Variants in HSPA12B observed in about 807,000 individuals in gnomAD.
HSPA12B encodes the protein heat shock 70 kDa protein 12B.
A neutral mutation model predicts 69.3 loss-of-function variants in HSPA12B; 54 were observed. The observed-to-expected ratio is 0.78, with a 90% CI of 0.63 to 0.98. HSPA12B has a LOEUF of 0.98. Ranked by LOEUF, HSPA12B falls within the 50% of genes least tolerant of loss-of-function variation. HSPA12B has a pLI of 0.00. For synonymous variants in HSPA12B, 441 were observed against 436.5 expected (o/e 1.01, Z -0.13); for missense variants, 929 against 999.8 (o/e 0.93, Z 0.96).
In HSPA12B at chr20:3,752,005, C is replaced by T. The variant is rs1027933841; in HGVS notation, c.1900C>T (p.Leu634Phe). 7 of 1,567,534 alleles carry T rather than the reference C, an allele frequency of 4.5e-6. No homozygotes were observed. The highest frequency in any genetic ancestry group is 1.4e-5 in the African/African-American group (1 of 73,466). The change falls in exon 13 of 13, where the codon CTT becomes TTT. Residue 634 changes from leucine to phenylalanine, a missense_variant. By Grantham distance (22) the Leu-to-Phe change is conservative (BLOSUM62 0). This residue lies in a region of HSPA12B where 448 missense variants were observed against 448.1 expected (regional missense o/e 1.00). Transcript: ENST00000254963. ...CAAATGCGGCGCGCTCAGCCTCGAG[C>T]TTGAGCCCGCCGACTGCGGCCAGGA... ...VRKCGALSLE[L>F]EPADCGQDTA...
At chr20:3,742,510 G>A (rs543306900) in intron 4 of HSPA12B, 102 bp downstream of exon 4, 10 of 928,890 alleles carry the variant, frequency 1.1e-5, no homozygotes, top group East Asian at 2.5e-5. Flanking sequence ...CTCCTTGGAG[G>A]CCCTGCCACC....
rs1048049952 is a variant in HSPA12B at position 3,749,747 on chromosome 20, C to T, written c.938-3C>T. The T allele has an allele frequency of 3.2e-6, 5 of 1,583,882 alleles. No homozygotes were observed. In the Admixed American group the frequency reaches 7.1e-5, roughly 22 times the overall value. On this transcript the variant is annotated splice_region_variant and splice_polypyrimidine_tract_variant and intron_variant, in intron 9 of 12. Transcript: ENST00000254963. This position sits in a 1 kb window ranked among gnomAD's most constrained non-coding sequence, Gnocchi z 5.5. ...GAGTGTGTGCCCGCGCTCGCCGCCG[C>T]AGGAGACCGCTACGTGGTGGCCGAC...
Position 3,745,678 on chromosome 20 carries a change from C to T in HSPA12B, c.558+81C>T. ...ATCCGAAACCGCTCCCCCATCCCGT[C>T]CCCGACATTGGATGGGTAGCCACCG... On this transcript the variant is annotated intron_variant, in intron 6 of 12. Coordinates refer to ENST00000254963, the MANE Select transcript of HSPA12B (RefSeq NM_052970.5). This position sits in a 1 kb window ranked among gnomAD's most constrained non-coding sequence, Gnocchi z 5.6. 7.8e-7 allele frequency: 1 copy of T among 1,281,624 alleles called. No individual in the cohort carries two copies. The highest frequency in any genetic ancestry group is 1.1e-6 in the Non-Finnish European group (1 of 890,870). 79.4% of individuals were successfully genotyped at this position (1,281,624 alleles called of 1,614,324 possible).
Position 3,749,904 on chromosome 20 carries a change from C to T in HSPA12B, c.1042+50C>T. 2.6e-6 allele frequency: 4 copies of T among 1,545,286 alleles called. No individual in the cohort carries two copies. Among genetic ancestry groups the T allele is most frequent in the Non-Finnish European group, 3.5e-6 (4 of 1,143,782 alleles). ...TACCCAGCGCGACCCGGGCTCCGGC[C>T]CCGCCACTGCCCCCTGGCGGCCCGG... On this transcript the variant is annotated intron_variant, in intron 10 of 12. Coordinates refer to ENST00000254963, the MANE Select transcript of HSPA12B (RefSeq NM_052970.5). This position sits in a 1 kb window ranked among gnomAD's most constrained non-coding sequence, Gnocchi z 5.5.
chr20:3,748,508 T>C, intron 8 of HSPA12B, 117 bp downstream of exon 8: 1 of 991,294 alleles, frequency 1.0e-6, no homozygotes, highest in Non-Finnish European at 1.4e-6. Context: ...GGAGCCCAAT[T>C]TGAGCAGGCA....
In HSPA12B at chr20:3,751,817, C is replaced by T; in HGVS notation, c.1712C>T (p.Thr571Ile). The T allele has an allele frequency of 6.5e-7, 1 of 1,533,020 alleles. No homozygotes were observed. Among genetic ancestry groups the T allele is most frequent in the South Asian group, 1.2e-5 (1 of 83,374 alleles). 95.0% of individuals were successfully genotyped at this position (1,533,020 alleles called of 1,614,324 possible). Residue 571 changes from threonine to isoleucine, a missense_variant, in exon 13 of 13, where the codon ACC becomes ATC. Coordinates refer to ENST00000254963, the MANE Select transcript of HSPA12B (RefSeq NM_052970.5). Reference sequence around the variant, plus strand: ...GTTCGCGACGGCCGCCGCTGGTGCACCGACGTCTTCGAGCGCTTCGTGGCC... The same window carrying T: ...GTTCGCGACGGCCGCCGCTGGTGCATCGACGTCTTCGAGCGCTTCGTGGCC... Reference protein sequence around the residue: ...LLVRDGRRWCTDVFERFVAAE... With the variant: ...LLVRDGRRWCIDVFERFVAAE...
Position 3,752,129 on chromosome 20 carries a change from G to A in HSPA12B, c.2024G>A (p.Arg675His), listed in dbSNP as rs777758123. 1.3e-6 allele frequency: 2 copies of A among 1,481,962 alleles called. No homozygotes were observed. The highest frequency in any genetic ancestry group is 2.5e-5 in the East Asian group (1 of 40,464). The allele number at this position is 1,481,962 out of a possible 1,614,324, so 91.8% of individuals were successfully genotyped here. ...ACCGCCGTCGACGTCAGCACCAATC[G>A]CTCCGTGCGCGCGTCCATCGACTTT... The part of the protein sequence containing the change: ...KVTAVDVSTN[R>H]SVRASIDFLS... The change falls in exon 13 of 13, where the codon CGC becomes CAC. Residue 675 changes from arginine to histidine, a missense_variant. Arg to His is a conservative substitution (Grantham distance 29). Around this residue, in one of 3 missense-constraint regions of HSPA12B, gnomAD observed 448 missense variants for 448.1 expected, o/e 1.00. Coordinates refer to ENST00000254963, the MANE Select transcript of HSPA12B (RefSeq NM_052970.5).
At chr20:3,748,480 G>A in intron 8 of HSPA12B, 89 bp downstream of exon 8, 1 of 1,251,470 alleles carries the variant, frequency 8.0e-7, no homozygotes, top group South Asian at 1.9e-5. Context: ...ATGAAGGGGA[G>A]AGGGTACCCA....
rs765086384 is a variant in HSPA12B, at chr20:3,751,525, C to A, written c.1420C>A (p.Arg474=). 2 of 1,443,246 alleles carry A rather than the reference C, an allele frequency of 1.4e-6. No individual in the cohort carries two copies. Among genetic ancestry groups the A allele is most frequent in the Non-Finnish European group, 1.8e-6 (2 of 1,099,082 alleles). The allele number at this position is 1,443,246 out of a possible 1,614,324, so 89.4% of individuals were successfully genotyped here. Residue 474 remains arginine, a synonymous_variant, in exon 13 of 13, where the codon CGG becomes AGG. Coordinates refer to ENST00000254963, the MANE Select transcript of HSPA12B (RefSeq NM_052970.5). The stretch of plus-strand genomic sequence containing the variant: ...CTGTCCCGCAGAGGCCCTGCTGGCA[C>A]GGCCGGAGGTGCAGGGTGTGAAGCT... The part of the protein sequence containing the change: ...IIQHIEALLA[R]PEVQGVKLLF...
Position 3,751,728 on chromosome 20 carries a change from C to T in HSPA12B, c.1623C>T (p.Leu541=). 6.7e-7 allele frequency: 1 copy of T among 1,501,656 alleles called. No individual in the cohort carries two copies. Among genetic ancestry groups the T allele is most frequent in the East Asian group, 2.6e-5 (1 of 38,578 alleles). 93.0% of individuals were successfully genotyped at this position (1,501,656 alleles called of 1,614,324 possible). A position where few individuals can be genotyped will look rare whatever the true frequency, so the allele number is the denominator to read the frequency against. The change falls in exon 13 of 13, where the codon CTC becomes CTT. Residue 541 remains leucine (L), a synonymous_variant. Coordinates refer to ENST00000254963, the MANE Select transcript of HSPA12B (RefSeq NM_052970.5). ...PGVVRVRRSP[L]TYGVGVLNRF... Reference sequence around the variant, plus strand: ...TGGTGCGGGTCCGCCGCTCGCCGCTCACCTATGGCGTGGGCGTGCTCAACC... The same window carrying T: ...TGGTGCGGGTCCGCCGCTCGCCGCTTACCTATGGCGTGGGCGTGCTCAACC...
At position 3,751,455 on chromosome 20, in the gene HSPA12B, C is replaced by G. The variant is rs1479946564; in HGVS notation, c.1406-56C>G. 8.0e-6 allele frequency: 11 copies of G among 1,368,006 alleles called. 1 individual carries two copies. The East Asian group carries it at 2.6e-4, about 32-fold the overall frequency. The allele number at this position is 1,368,006 out of a possible 1,614,324, so 84.7% of individuals were successfully genotyped here. A position where few individuals can be genotyped will look rare whatever the true frequency, so the allele number is the denominator to read the frequency against. The stretch of plus-strand genomic sequence containing the variant: ...AGTGGTGGCCTCAGTGGCTCTCTCT[C>G]CCCCGCCCCTTCTCCTCTGCCCCCT... On this transcript the variant is annotated intron_variant, in intron 12 of 12. Transcript: ENST00000254963.
chr20:3,751,499 C>G lies in HSPA12B; in HGVS notation c.1406-12C>G. The G allele has an allele frequency of 7.1e-7, 1 of 1,406,284 alleles. No individual in the cohort carries two copies. The highest frequency in any genetic ancestry group is 9.2e-7 in the Non-Finnish European group (1 of 1,081,814). The allele number at this position is 1,406,284 out of a possible 1,614,324, so 87.1% of individuals were successfully genotyped here. Reference sequence around the variant, plus strand: ...GCCCCCTTCACCCGCGTCCCCCCGTCCTGTCCCGCAGAGGCCCTGCTGGCA... The same window carrying G: ...GCCCCCTTCACCCGCGTCCCCCCGTGCTGTCCCGCAGAGGCCCTGCTGGCA... On this transcript the variant is annotated splice_polypyrimidine_tract_variant and intron_variant, in intron 12 of 12. Transcript: ENST00000254963.
intron 1 of HSPA12B, among the ~76,000 whole-genome samples, chr20:3,735,894 A>G (rs2088101752): frequency 6.6e-6 from 1 of 152,182 alleles, no homozygotes; most frequent in Non-Finnish European, 1.5e-5. Flanking sequence ...GGCATGAAGA[A>G]TCTCGATAAG....
rs573461524 is a variant in HSPA12B, at chr20:3,751,879, C to T, written c.1774C>T (p.Arg592Cys). The change falls in exon 13 of 13, where the codon CGC becomes TGC. Residue 592 changes from arginine (R) to cysteine (C), a missense_variant. Arg to Cys is a radical substitution (Grantham distance 180, BLOSUM62 -3). Coordinates refer to ENST00000254963, the MANE Select transcript of HSPA12B (RefSeq NM_052970.5). ...GGTGGCCCTGGGCGAGGAGGTGCGG[C>T]GCAGCTACTGCCCGGCGCGTCCCGG... ...QSVALGEEVRRSYCPARPGQR... is the reference protein window; with the variant it reads ...QSVALGEEVRCSYCPARPGQR... The T allele has an allele frequency of 1.9e-6, 3 of 1,563,184 alleles. No individual in the cohort carries two copies. The highest frequency in any genetic ancestry group is 1.8e-5 in the Admixed American group (1 of 55,812).
intron 11 of HSPA12B, 86 bp from the exon 12 acceptor site, chr20:3,750,718 G>T: frequency 6.2e-7 from 1 of 1,603,338 alleles, no homozygotes; most frequent in Non-Finnish European, 8.5e-7. Flanking sequence ...TGGAGGCAGA[G>T]GTAGAGAATA....
At position 3,740,114 on chromosome 20, in the gene HSPA12B, G is replaced by T. The variant is rs907423502; in HGVS notation, c.44-701G>T. On this transcript the variant is annotated intron_variant, in intron 2 of 12. Transcript: ENST00000254963. The surrounding 1 kb of genome is among the most constrained non-coding windows in gnomAD (Gnocchi z 4.9). ...GCGTGCAAGAGGGTCTTGATGGGGCGTCCTGCCCTGAAATGCTGGCTCAGG... is the reference window on the plus strand; with the variant it reads ...GCGTGCAAGAGGGTCTTGATGGGGCTTCCTGCCCTGAAATGCTGGCTCAGG... 6.6e-6 allele frequency among the ~76,000 whole-genome samples: 1 copy of T among 152,126 alleles called. No homozygotes were observed. Among genetic ancestry groups the T allele is most frequent in the African/African-American group, 2.4e-5 (1 of 41,388 alleles).
At chr20:3,738,270 G>C (rs553336941) in intron 1 of HSPA12B, among the ~76,000 whole-genome samples, 25 of 152,272 alleles carry the variant, frequency 1.6e-4, no homozygotes, top group African/African-American at 5.8e-4. Context: ...CAGACCGTTG[G>C]TTTCTAGGGC....
Position 3,749,991 on chromosome 20 carries a change from C to G in HSPA12B, c.1065C>G (p.Gly355=). ...KASGGPYGAV[G]VDLAFEQLLC... ...CAGGGGGCCCTTATGGCGCGGTGGG[C>G]GTGGACCTGGCCTTCGAGCAGCTGC... is the stretch of plus-strand genomic sequence containing the variant. The change falls in exon 11 of 13, where the codon GGC becomes GGG. Residue 355 remains glycine (G), a synonymous_variant. Coordinates refer to ENST00000254963, the MANE Select transcript of HSPA12B (RefSeq NM_052970.5). This position sits in a 1 kb window ranked among gnomAD's most constrained non-coding sequence, Gnocchi z 5.5. The G allele has an allele frequency of 6.3e-7, 1 of 1,576,982 alleles. No homozygotes were observed. The highest frequency in any genetic ancestry group is 1.3e-5 in the African/African-American group (1 of 74,244).
At position 3,742,304 on chromosome 20, in the gene HSPA12B, C is replaced by T; in HGVS notation, c.162C>T (p.Pro54=). 1 of 1,614,046 alleles carries T rather than the reference C, an allele frequency of 6.2e-7. No homozygotes were observed. The highest frequency in any genetic ancestry group is 8.5e-7 in the Non-Finnish European group (1 of 1,179,926). Reference sequence around the variant, plus strand: ...TGCAGAAACCCGAGGTCCGAGCCCCCCAGCAGGCCTCCTTCTCTGTGGTGG... The same window carrying T: ...TGCAGAAACCCGAGGTCCGAGCCCCTCAGCAGGCCTCCTTCTCTGTGGTGG... ...SQSPKPEVRA[P]QQASFSVVVA... Residue 54 remains proline, a synonymous_variant, in exon 4 of 13, where the codon CCC becomes CCT. Transcript: ENST00000254963.
Sources: gnomAD v4.1 joint callset for allele counts (sites outside exome capture counted in the v4.1 genomes callset) on GRCh38, gnomAD v4.1.1 for gene constraint, gnomAD v4.1.1 regional missense constraint, Gnocchi (gnomAD v3.1) non-coding constraint, MANE v1.5 for transcripts, NCBI Gene and HGNC (gene_info 2026-07-23, HGNC 2026-07-21) for gene names.